PTPRK: variants seen among roughly 807,000 people sequenced by gnomAD.
PTPRK encodes the protein receptor-type tyrosine-protein phosphatase kappa.
In PTPRK, 75 loss-of-function variants were observed where a neutral mutation model predicts 178.0. The observed-to-expected ratio is 0.42, with a 90% CI of 0.35 to 0.51. PTPRK has a LOEUF of 0.51. PTPRK is among the 20% of genes least tolerant of loss of function. The probability of loss-of-function intolerance (pLI) is 0.02; values close to 1 mark genes in which losing one functional copy is unlikely to be tolerated. For missense variants in PTPRK, 1,441 were observed against 1,797.8 expected (o/e 0.80, Z 3.59); for synonymous variants, 637 against 620.6 (o/e 1.03, Z -0.39).
chr6:128,239,629 G>C (rs953843068), intron 5 of PTPRK, among the ~76,000 whole-genome samples: 3 of 152,082 alleles, frequency 2.0e-5, no homozygotes, highest in Non-Finnish European at 4.4e-5. Flanking sequence ...ATATTCCCAA[G>C]GGTTTCTTAA....
At chr6:128,474,893 G>A (rs770132780) in intron 1 of PTPRK, among the ~76,000 whole-genome samples, 52 of 152,118 alleles carry the variant, frequency 3.4e-4, no homozygotes, top group Non-Finnish European at 6.2e-4. Context: ...CAACTCAGGC[G>A]ATAAGAACTA....
chr6:128,263,978 T>C (rs948048494), intron 3 of PTPRK, among the ~76,000 whole-genome samples: 9 of 151,898 alleles, frequency 5.9e-5, no homozygotes, highest in Admixed American at 3.9e-4. Context: ...TCCAAGGAGG[T>C]CCTTGAAGAT....
At chr6:128,439,542 TTAA>T (rs1234627309) in intron 1 of PTPRK, among the ~76,000 whole-genome samples, 1 of 152,154 alleles carries the variant, frequency 6.6e-6, no homozygotes, top group Non-Finnish European at 1.5e-5. Flanking sequence ...CTGCTATGGT[TTAA>T]TAATTCAAAA....
At chr6:128,074,389 T>C (rs1051622506) in intron 11 of PTPRK, among the ~76,000 whole-genome samples, 1 of 152,062 alleles carries the variant, frequency 6.6e-6, no homozygotes. Flanking sequence ...CACAGCTATA[T>C]TGGGTCAATC....
At chr6:128,382,954 G>C (rs1838160243) in intron 2 of PTPRK, among the ~76,000 whole-genome samples, 1 of 152,074 alleles carries the variant, frequency 6.6e-6, no homozygotes, top group Non-Finnish European at 1.5e-5. Flanking sequence ...ATTTTTTAAA[G>C]GGCTTATATA....
intron 7 of PTPRK, among the ~76,000 whole-genome samples, chr6:128,155,750 C>T (rs1382998461): frequency 6.6e-6 from 1 of 151,796 alleles, no homozygotes; most frequent in Non-Finnish European, 1.5e-5. Flanking sequence ...CAAGCTGGCT[C>T]CTCAATTCTT....
At chr6:128,367,261 C>T (rs772038688) in intron 2 of PTPRK, among the ~76,000 whole-genome samples, 7 of 152,048 alleles carry the variant, frequency 4.6e-5, no homozygotes, top group African/African-American at 1.2e-4. Flanking sequence ...TGACAATTGG[C>T]GACGCTGAAT....
intron 7 of PTPRK, among the ~76,000 whole-genome samples, chr6:128,109,040 G>A (rs892709456): frequency 2.4e-4 from 37 of 151,906 alleles, no homozygotes; most frequent in African/African-American, 9.0e-4. Flanking sequence ...CAAACATTTA[G>A]CTCATAATAC....
rs897627516 is a variant in PTPRK at position 128,122,779 on chromosome 6, A to G, written c.1163-32787T>C. 6.6e-5 allele frequency among the ~76,000 whole-genome samples: 10 copies of G among 152,356 alleles called. No individual in the cohort carries two copies. In the East Asian group the frequency reaches 1.9e-3, roughly 29 times the overall value. ...GCATGCTTATCAGTGAATACCATAC[A>G]GTAAGAGTTCAATAATTATTACCTA... On this transcript the variant is annotated intron_variant, in intron 7 of 29. Coordinates refer to ENST00000368226, the MANE Select transcript of PTPRK (RefSeq NM_002844.4).
intron 3 of PTPRK, among the ~76,000 whole-genome samples, chr6:128,273,428 T>TAA (rs1820211168): frequency 1.3e-5 from 2 of 152,172 alleles, no homozygotes; most frequent in Admixed American, 1.3e-4. Context: ...CAGTGACACT[T>TAA]AATCTTTGCA....
intron 1 of PTPRK, among the ~76,000 whole-genome samples, chr6:128,477,551 C>T (rs1442165409): frequency 6.6e-6 from 1 of 151,954 alleles, no homozygotes; most frequent in South Asian, 2.1e-4. Context: ...CAACATTCAC[C>T]ACAAAGTTGC....
At chr6:128,067,019 G>A (rs1057090393) in intron 12 of PTPRK, among the ~76,000 whole-genome samples, 5 of 152,084 alleles carry the variant, frequency 3.3e-5, no homozygotes, top group Non-Finnish European at 4.4e-5. Flanking sequence ...TACCACAGGC[G>A]CCCTATTACT....
intron 2 of PTPRK, among the ~76,000 whole-genome samples, chr6:128,393,344 C>T (rs911399328): frequency 2.0e-5 from 3 of 152,148 alleles, no homozygotes; most frequent in Non-Finnish European, 4.4e-5. Flanking sequence ...CCGCCTCGGT[C>T]TTCCAAAGTG....
At chr6:128,117,547 C>T (rs1562615036) in intron 7 of PTPRK, among the ~76,000 whole-genome samples, 1 of 152,166 alleles carries the variant, frequency 6.6e-6, no homozygotes, top group South Asian at 2.1e-4. Context: ...TATTTAAATG[C>T]TGCAGTTTTC....
intron 1 of PTPRK, among the ~76,000 whole-genome samples, chr6:128,470,719 A>G (rs987440906): frequency 6.7e-6 from 1 of 149,288 alleles, no homozygotes; most frequent in African/African-American, 2.5e-5. Context: ...TCAATGAGGC[A>G]TTATCTAGAA....
At chr6:128,408,393 C>T (rs543846017) in intron 1 of PTPRK, among the ~76,000 whole-genome samples, 5 of 151,576 alleles carry the variant, frequency 3.3e-5, no homozygotes, top group Non-Finnish European at 7.4e-5. Context: ...CTCAAACAAA[C>T]AAACAAACAA....
intron 1 of PTPRK, among the ~76,000 whole-genome samples, chr6:128,402,980 GT>G (rs1841221789): frequency 6.6e-6 from 1 of 152,084 alleles, no homozygotes; most frequent in Non-Finnish European, 1.5e-5. Context: ...TATTATTTAG[GT>G]CTAACTCCTT....
At chr6:128,262,242 G>T (rs956422161) in intron 3 of PTPRK, among the ~76,000 whole-genome samples, 2 of 151,964 alleles carry the variant, frequency 1.3e-5, no homozygotes, top group African/African-American at 4.8e-5. Context: ...TTCTCCCTAG[G>T]TTTAAAATGT....
chr6:128,033,552 T>G (rs2114806529), intron 13 of PTPRK, among the ~76,000 whole-genome samples: 1 of 152,300 alleles, frequency 6.6e-6, no homozygotes, highest in African/African-American at 2.4e-5. Context: ...GCTTTACATT[T>G]AATGAAAGCT....
Sources: gnomAD v4.1 joint callset for allele counts (sites outside exome capture counted in the v4.1 genomes callset) on GRCh38, gnomAD v4.1.1 for gene constraint, MANE v1.5 for transcripts, NCBI Gene and HGNC (gene_info 2026-07-23, HGNC 2026-07-21) for gene names.